The following HSDL2 variants were observed in gnomAD, a reference collection of about 807,000 sequenced individuals.
HSDL2 encodes the protein hydroxysteroid dehydrogenase like 2.
Under a neutral mutation model 46.3 loss-of-function variants are expected in HSDL2, and 27 were observed. That is an observed-to-expected ratio of 0.58 (90% CI 0.43 to 0.80). The LOEUF is 0.80. Among genes scored for constraint, HSDL2 ranks in the 30% least tolerant of loss-of-function variants. The pLI is 0.00. For synonymous variants in HSDL2, 153 were observed against 163.6 expected, an observed-to-expected ratio of 0.94 and a Z score of 0.50; for missense variants, 451 against 502.7, an observed-to-expected ratio of 0.90 and a Z score of 0.98.
Position 112,399,351 on chromosome 9 carries a change from C to T in HSDL2, c.18-4644C>T, listed in dbSNP as rs377421336. On this transcript the variant is annotated intron_variant, in intron 1 of 10. Transcript: ENST00000398805. ...ATGCTTCAAAGGGCAAAAAGCAGAACTACTAATAAGGGTCTAACAAAGATT... is the reference window on the plus strand; with the variant it reads ...ATGCTTCAAAGGGCAAAAAGCAGAATTACTAATAAGGGTCTAACAAAGATT... Among the ~76,000 whole-genome samples, 6 of 152,226 alleles carry T rather than the reference C, an allele frequency of 3.9e-5. No homozygotes were observed. In the South Asian group the frequency reaches 6.2e-4, roughly 16 times the overall value.
At chr9:112,445,871 A>G (rs1031686127) in intron 8 of HSDL2, among the ~76,000 whole-genome samples, 2 of 152,184 alleles carry the variant, frequency 1.3e-5, no homozygotes, top group African/African-American at 4.8e-5. Context: ...TCACAGCAAA[A>G]CTGAGAAGGT....
chr9:112,413,728 C>T (rs937541372), intron 4 of HSDL2, among the ~76,000 whole-genome samples: 5 of 152,174 alleles, frequency 3.3e-5, no homozygotes, highest in South Asian at 2.1e-4. Context: ...ATGCTTGTTC[C>T]CTGGTGCCAT....
At chr9:112,444,539 A>G (rs906336088) in intron 8 of HSDL2, among the ~76,000 whole-genome samples, 6 of 151,782 alleles carry the variant, frequency 4.0e-5, no homozygotes, top group Non-Finnish European at 8.8e-5. Context: ...GGAGTTCAAG[A>G]CTAGTCTGGG....
intron 9 of HSDL2, among the ~76,000 whole-genome samples, chr9:112,458,416 C>A (rs1245309664): frequency 7.9e-5 from 12 of 151,486 alleles, no homozygotes. Context: ...ACCTCTGCCC[C>A]CAAGGTTCAA....
At chr9:112,439,581 G>A (rs1832597755) in intron 7 of HSDL2, among the ~76,000 whole-genome samples, 3 of 152,064 alleles carry the variant, frequency 2.0e-5, no homozygotes, top group Admixed American at 1.3e-4. Flanking sequence ...ATTTATTTGC[G>A]CTAAAGTATA....
chr9:112,382,192 G>A (rs1831114207), intron 1 of HSDL2, among the ~76,000 whole-genome samples: 1 of 152,220 alleles, frequency 6.6e-6, no homozygotes, highest in Non-Finnish European at 1.5e-5. Flanking sequence ...ACCTGGAGGC[G>A]GAGGTGGCAG....
At chr9:112,458,320 C>G (rs10981413) in intron 9 of HSDL2, among the ~76,000 whole-genome samples, 103,075 of 119,494 alleles carry the variant, frequency 0.86, 43,541 homozygotes, top group South Asian at 0.92. Context: ...ACCACTTCTT[C>G]TTTTTTTTTT....
chr9:112,441,027 AAAT>A (rs1377715307), intron 7 of HSDL2, among the ~76,000 whole-genome samples: 8 of 148,654 alleles, frequency 5.4e-5, no homozygotes, highest in African/African-American at 1.2e-4. Context: ...ATAAATAAAT[AAAT>A]AATAAATAAA....
In HSDL2 at chr9:112,404,147, C is replaced by A. The variant is rs1445342243; in HGVS notation, c.170C>A (p.Ala57Asp). ...HPKLLGTIYT[A>D]AEEIEAVGGK... is the part of the protein sequence containing the mutation. ...AAACTTCTAGGCACAATCTATACTG[C>A]TGCTGAAGAAAGTGAGTGTGACAGT... Residue 57 changes from alanine (A) to aspartate (D), a missense_variant, in exon 2 of 11, where the codon GCT becomes GAT. Ala to Asp is a moderately radical substitution (Grantham distance 126). Coordinates refer to ENST00000398805, the MANE Select transcript of HSDL2 (RefSeq NM_032303.5). The A allele has an allele frequency of 6.2e-7, 1 of 1,613,546 alleles. No individual in the cohort carries two copies. Among genetic ancestry groups the A allele is most frequent in the Non-Finnish European group, 8.5e-7 (1 of 1,179,810 alleles).
intron 10 of HSDL2, among the ~76,000 whole-genome samples, chr9:112,466,948 G>A (rs893532889): frequency 1.3e-5 from 2 of 152,176 alleles, no homozygotes; most frequent in Admixed American, 1.3e-4. Flanking sequence ...GTGTTAAATG[G>A]TCTTGGCACC....
intron 4 of HSDL2, among the ~76,000 whole-genome samples, chr9:112,410,865 G>A (rs548213617): frequency 3.5e-4 from 53 of 152,332 alleles, no homozygotes; most frequent in South Asian, 1.7e-3. Context: ...GGAGGTGGAC[G>A]TTGCTGTGAG....
intron 6 of HSDL2, among the ~76,000 whole-genome samples, chr9:112,424,307 C>G (rs1414455019): frequency 7.2e-6 from 1 of 138,508 alleles, no homozygotes; most frequent in African/African-American, 2.6e-5. Context: ...GGCGACAGAG[C>G]GAGATTCCAT....
intron 1 of HSDL2, among the ~76,000 whole-genome samples, chr9:112,385,927 A>C (rs1831209175): frequency 6.6e-6 from 1 of 151,232 alleles, no homozygotes; most frequent in African/African-American, 2.4e-5. Context: ...TGCCCGGCCA[A>C]TTTTTTTAAT....
intron 1 of HSDL2, among the ~76,000 whole-genome samples, chr9:112,401,896 C>T (rs1265237514): frequency 2.0e-5 from 3 of 152,118 alleles, no homozygotes; most frequent in East Asian, 1.9e-4. Context: ...ATAATTTCAA[C>T]CTCTCTGACT....
At chr9:112,437,506 C>T (rs934544516) in intron 6 of HSDL2, among the ~76,000 whole-genome samples, 3 of 151,922 alleles carry the variant, frequency 2.0e-5, no homozygotes, top group African/African-American at 7.3e-5. Flanking sequence ...TTAGTGGTCC[C>T]TAAAGTAATG....
chr9:112,391,178 A>AAT (rs1831335890), intron 1 of HSDL2, among the ~76,000 whole-genome samples: 1 of 149,458 alleles, frequency 6.7e-6, no homozygotes, highest in South Asian at 2.1e-4. Flanking sequence ...TCCATCTCAA[A>AAT]AATAATAATA....
intron 6 of HSDL2, among the ~76,000 whole-genome samples, chr9:112,436,047 G>A (rs1832517088): frequency 6.6e-6 from 1 of 151,818 alleles, no homozygotes; most frequent in South Asian, 2.1e-4. Context: ...GGCCAAGGCA[G>A]GAGGACGGCT....
At chr9:112,395,170 G>C (rs1235959295) in intron 1 of HSDL2, among the ~76,000 whole-genome samples, 1 of 152,158 alleles carries the variant, frequency 6.6e-6, no homozygotes. Context: ...GGAGATGTGG[G>C]ATTAGTTAGA....
chr9:112,394,070 TATC>T (rs1223277436), intron 1 of HSDL2, among the ~76,000 whole-genome samples: 1 of 152,024 alleles, frequency 6.6e-6, no homozygotes, highest in African/African-American at 2.4e-5. Context: ...CGAGAAGAAT[TATC>T]ATAATGCCAA....
Sources: allele counts gnomAD v4.1 joint callset (sites outside exome capture counted in the v4.1 genomes callset), GRCh38; gene constraint gnomAD v4.1.1; transcripts MANE v1.5; gene names NCBI Gene and HGNC (gene_info 2026-07-23, HGNC 2026-07-21).